The following FBXL17 variants were observed in gnomAD, a reference collection of about 807,000 sequenced individuals.
FBXL17 encodes the protein F-box/LRR-repeat protein 17.
In FBXL17, 22 loss-of-function variants were observed where a neutral mutation model predicts 66.2. The observed-to-expected ratio is 0.33, with a 90% CI of 0.24 to 0.47. The LOEUF (loss-of-function observed/expected upper bound fraction) is 0.47, where lower values mean the gene tolerates loss of function less well. Among genes scored for constraint, FBXL17 ranks in the 20% least tolerant of loss-of-function variants. FBXL17 has a pLI of 1.00. For missense variants in FBXL17, 878 were observed against 948.2 expected, an observed-to-expected ratio of 0.93 and a Z score of 0.97; for synonymous variants, 474 against 400.5, an observed-to-expected ratio of 1.18 and a Z score of -2.19.
At chr5:108,138,420 T>C in intron 6 of FBXL17, among the ~76,000 whole-genome samples, 1 of 152,216 alleles carries the variant, frequency 6.6e-6, no homozygotes, top group Non-Finnish European at 1.5e-5. Flanking sequence ...TTGTGTGGGC[T>C]TTTGGATTGT....
chr5:107,942,910 G>GA (rs2112592435), intron 7 of FBXL17, among the ~76,000 whole-genome samples: 1 of 152,122 alleles, frequency 6.6e-6, no homozygotes, highest in Non-Finnish European at 1.5e-5. Context: ...TGACTGCTCT[G>GA]ACAAAAGTCA....
intron 7 of FBXL17, among the ~76,000 whole-genome samples, chr5:107,909,838 G>C (rs1162306834): frequency 6.6e-6 from 1 of 152,170 alleles, no homozygotes; most frequent in Non-Finnish European, 1.5e-5. Flanking sequence ...TCAGACCAGA[G>C]CAGTCCTCTA....
At chr5:108,276,970 T>C (rs944777588) in intron 4 of FBXL17, among the ~76,000 whole-genome samples, 26 of 152,084 alleles carry the variant, frequency 1.7e-4, no homozygotes, top group Admixed American at 1.6e-3. Context: ...TATATTTAGA[T>C]TGTACTTCAG....
At chr5:107,927,682 G>A (rs78657496) in intron 7 of FBXL17, among the ~76,000 whole-genome samples, 28 of 152,116 alleles carry the variant, frequency 1.8e-4, no homozygotes, top group East Asian at 5.8e-4. Flanking sequence ...ATTTTCTTCC[G>A]TAGAAAAGGT....
chr5:108,079,245 T>C (rs1748673429), intron 6 of FBXL17, among the ~76,000 whole-genome samples: 1 of 152,062 alleles, frequency 6.6e-6, no homozygotes, highest in Non-Finnish European at 1.5e-5. Context: ...TAAATGCTTA[T>C]TAGAAAGCTA....
chr5:108,252,866 T>C (rs1210393604), intron 4 of FBXL17, among the ~76,000 whole-genome samples: 1 of 152,062 alleles, frequency 6.6e-6, no homozygotes, highest in Admixed American at 6.6e-5. Flanking sequence ...ATTCTCAAAT[T>C]CTCATTATGC....
At chr5:107,892,807 G>C (rs1478071376) in intron 7 of FBXL17, among the ~76,000 whole-genome samples, 1 of 152,178 alleles carries the variant, frequency 6.6e-6, no homozygotes, top group Non-Finnish European at 1.5e-5. Context: ...GATTAGTGTA[G>C]ATATTTGCAA....
chr5:108,067,254 G>A (rs1171854080), intron 6 of FBXL17, among the ~76,000 whole-genome samples: 4 of 152,068 alleles, frequency 2.6e-5, no homozygotes, highest in African/African-American at 7.2e-5. Context: ...ATGTAAAACA[G>A]ACTTAATATC....
intron 4 of FBXL17, among the ~76,000 whole-genome samples, chr5:108,261,272 T>G (rs1456173058): frequency 6.8e-6 from 1 of 146,840 alleles, no homozygotes; most frequent in African/African-American, 2.5e-5. Flanking sequence ...AAGAGGGAGG[T>G]TGACAGACCA....
chr5:108,258,799 C>T (rs1756688690), intron 4 of FBXL17, among the ~76,000 whole-genome samples: 1 of 144,954 alleles, frequency 6.9e-6, no homozygotes, highest in South Asian at 2.1e-4. Flanking sequence ...TGGTGGAAAG[C>T]TAGTCAACAG....
intron 5 of FBXL17, among the ~76,000 whole-genome samples, chr5:108,209,974 T>A (rs1352614387): frequency 1.3e-5 from 2 of 152,234 alleles, no homozygotes; most frequent in African/African-American, 4.8e-5. Flanking sequence ...TATTAATTAC[T>A]GCCTCAATTT....
intron 7 of FBXL17, among the ~76,000 whole-genome samples, chr5:108,002,100 C>A (rs1171522307): frequency 2.0e-5 from 3 of 151,922 alleles, no homozygotes; most frequent in Non-Finnish European, 4.4e-5. Flanking sequence ...ACTGCAACCT[C>A]CGCCTCCCGG....
intron 8 of FBXL17, among the ~76,000 whole-genome samples, chr5:107,877,105 G>T (rs1346993514): frequency 6.6e-6 from 1 of 152,144 alleles, no homozygotes; most frequent in Non-Finnish European, 1.5e-5. Context: ...TAAAGTTTAG[G>T]AGATTAAGTG....
chr5:108,014,081 G>GTAC (rs35653051), intron 7 of FBXL17, among the ~76,000 whole-genome samples: 19,632 of 151,894 alleles, frequency 0.13, 1,420 homozygotes, highest in East Asian at 0.18. Context: ...ATATCCAAGA[G>GTAC]TACTATGCAG....
chr5:108,124,362 C>T (rs762827588), intron 6 of FBXL17, among the ~76,000 whole-genome samples: 1 of 151,758 alleles, frequency 6.6e-6, no homozygotes, highest in Non-Finnish European at 1.5e-5. Flanking sequence ...GGTCTTTGAC[C>T]TTGGCATATT....
chr5:107,912,249 A>C (rs1749972642), intron 7 of FBXL17, among the ~76,000 whole-genome samples: 1 of 152,114 alleles, frequency 6.6e-6, no homozygotes, highest in Non-Finnish European at 1.5e-5. Flanking sequence ...TCCTTATCAC[A>C]ACTCCATGAT....
chr5:108,123,307 C>A (rs1371247018), intron 6 of FBXL17, among the ~76,000 whole-genome samples: 1 of 152,004 alleles, frequency 6.6e-6, no homozygotes, highest in Non-Finnish European at 1.5e-5. Context: ...CCTCTTCCCA[C>A]CTTTTCTTTG....
intron 5 of FBXL17, among the ~76,000 whole-genome samples, chr5:108,215,700 G>T (rs1424654930): frequency 6.6e-6 from 1 of 152,004 alleles, no homozygotes. Context: ...ATTTTTAATT[G>T]TGATAAAGTA....
intron 7 of FBXL17, among the ~76,000 whole-genome samples, chr5:107,999,550 C>T (rs1038506171): frequency 1.3e-5 from 2 of 151,152 alleles, no homozygotes; most frequent in African/African-American, 2.4e-5. Context: ...TGTATGCCTC[C>T]ACATTCCCAA....
Sources: allele counts gnomAD v4.1 joint callset (sites outside exome capture counted in the v4.1 genomes callset), GRCh38; gene constraint gnomAD v4.1.1; transcripts MANE v1.5; gene names NCBI Gene and HGNC (gene_info 2026-07-23, HGNC 2026-07-21).